ABCB5: variants seen among roughly 807,000 people sequenced by gnomAD.
ABCB5 encodes the protein ATP binding cassette subfamily B member 5.
Under a neutral mutation model 144.2 loss-of-function variants are expected in ABCB5, and 155 were observed. That is an observed-to-expected ratio of 1.08 (90% confidence interval 0.94 to 1.23). ABCB5 has a LOEUF of 1.23. Ranked by LOEUF, ABCB5 falls within the 50% of genes most tolerant of loss-of-function variation. The pLI is 0.00. For synonymous variants in ABCB5, 610 were observed against 528.6 expected (o/e 1.15, Z -2.11); for missense variants, 1,830 against 1,520.8 (o/e 1.20, Z -3.38).
intron 2 of ABCB5, among the ~76,000 whole-genome samples, chr7:20,623,889 G>A (rs1783853256): frequency 1.3e-5 from 2 of 152,168 alleles, no homozygotes; most frequent in South Asian, 2.1e-4. Flanking sequence ...TAAAACTGGA[G>A]AAGATCCCTC....
chr7:20,635,908 T>A (rs1784146328), intron 5 of ABCB5, among the ~76,000 whole-genome samples: 1 of 152,210 alleles, frequency 6.6e-6, no homozygotes, highest in African/African-American at 2.4e-5. Flanking sequence ...GTTGCTTGAT[T>A]GCTCTGACTA....
chr7:20,674,441 G>T (rs565259871), intron 14 of ABCB5, among the ~76,000 whole-genome samples: 1 of 151,816 alleles, frequency 6.6e-6, no homozygotes, highest in South Asian at 2.1e-4. Flanking sequence ...GTTGCTCACT[G>T]TCTCCTTTCT....
intron 14 of ABCB5, among the ~76,000 whole-genome samples, chr7:20,672,569 TA>T (rs1785482564): frequency 6.6e-6 from 1 of 152,132 alleles, no homozygotes; most frequent in South Asian, 2.1e-4. Context: ...TAAAGTAAAA[TA>T]AAATTTTAAA....
At chr7:20,744,386 A>C (rs1782655010) in intron 25 of ABCB5, among the ~76,000 whole-genome samples, 1 of 152,054 alleles carries the variant, frequency 6.6e-6, no homozygotes, top group Admixed American at 6.6e-5. Flanking sequence ...TGCCCTGACC[A>C]GAATGTCCCC....
intron 5 of ABCB5, among the ~76,000 whole-genome samples, chr7:20,635,623 A>G (rs1335850561): frequency 2.6e-5 from 4 of 151,946 alleles, no homozygotes; most frequent in Non-Finnish European, 5.9e-5. Context: ...AGATCTTTTA[A>G]TTCCTTAGTT....
chr7:20,731,371 T>A (rs1411418565), intron 23 of ABCB5, among the ~76,000 whole-genome samples: 137 of 124,874 alleles, frequency 1.1e-3, no homozygotes, highest in South Asian at 0.01. Flanking sequence ...AAAAAAAAAA[T>A]ATATATATAT....
At position 20,623,301 on chromosome 7, in the gene ABCB5, A is replaced by G; in HGVS notation, c.16A>G (p.Arg6Gly). The G allele has an allele frequency of 6.5e-7, 1 of 1,548,030 alleles. No individual in the cohort carries two copies. Among genetic ancestry groups the G allele is most frequent in the Non-Finnish European group, 8.7e-7 (1 of 1,143,228 alleles). The part of the protein sequence containing the change: MENSE[R>G]AEEMQENYQR... Reference sequence around the variant, plus strand: ...TGTAAATAAGATGGAAAATTCAGAAAGAGCTGAAGAAATGCAAGAAAATTA... The same window carrying G: ...TGTAAATAAGATGGAAAATTCAGAAGGAGCTGAAGAAATGCAAGAAAATTA... The change falls in exon 2 of 28, where the codon AGA becomes GGA. Residue 6 changes from arginine (R) to glycine (G), a missense_variant. Transcript: ENST00000404938.
intron 3 of ABCB5, among the ~76,000 whole-genome samples, chr7:20,627,587 C>CAGATG (rs1171057611): frequency 6.6e-6 from 1 of 151,926 alleles, no homozygotes; most frequent in Non-Finnish European, 1.5e-5. Flanking sequence ...GCTATGGGGA[C>CAGATG]CTACTACAGA....
chr7:20,756,017 T>A lies in ABCB5; in HGVS notation c.*393T>A, dbSNP rs1783077763. ...AGGCAGTGTAAGATAGAGTGGGGCC[T>A]GTAGCATTGCAGGGAGAGTGTCTTT... On this transcript the variant is annotated 3_prime_UTR_variant, in exon 28 of 28. Transcript: ENST00000404938. The A allele has an allele frequency of 5.3e-6, 1 of 189,486 alleles. No homozygotes were observed. The highest frequency in any genetic ancestry group is 1.1e-5 in the Non-Finnish European group (1 of 91,038). 11.7% of individuals were successfully genotyped at this position (189,486 alleles called of 1,614,324 possible). A position where few individuals can be genotyped will look rare whatever the true frequency, so the allele number is the denominator to read the frequency against.
At chr7:20,661,276 T>C (rs551881367) in intron 14 of ABCB5, among the ~76,000 whole-genome samples, 1 of 152,342 alleles carries the variant, frequency 6.6e-6, no homozygotes, top group African/African-American at 2.4e-5. Flanking sequence ...AATGCCTGCT[T>C]CTTAAACATA....
intron 23 of ABCB5, among the ~76,000 whole-genome samples, chr7:20,738,616 A>C (rs191847839): frequency 6.6e-6 from 1 of 152,214 alleles, no homozygotes; most frequent in Non-Finnish European, 1.5e-5. Context: ...AGATCTCACT[A>C]CTGGAGATTC....
intron 5 of ABCB5, among the ~76,000 whole-genome samples, chr7:20,637,379 A>G (rs182515632): frequency 3.6e-4 from 55 of 152,134 alleles, no homozygotes; most frequent in Admixed American, 1.6e-3. Context: ...CTGCTGGTCA[A>G]TATGATGCCT....
chr7:20,659,358 C>T, intron 14 of ABCB5: 1 of 1,266,162 alleles, frequency 7.9e-7, no homozygotes, highest in South Asian at 3.3e-5. Flanking sequence ...CTTAATGGCA[C>T]ATTTTACTTT....
At chr7:20,668,403 G>C (rs1307579896) in intron 14 of ABCB5, among the ~76,000 whole-genome samples, 1,824 of 146,352 alleles carry the variant, frequency 0.012, no homozygotes, top group African/African-American at 0.046. Context: ...GAGCGCCTCT[G>C]CTGGGCCGCA....
intron 20 of ABCB5, among the ~76,000 whole-genome samples, chr7:20,720,684 G>A (rs1481552003): frequency 4.6e-5 from 7 of 152,078 alleles, no homozygotes; most frequent in Admixed American, 2.6e-4. Context: ...GGTGGCTCAC[G>A]CCTGTAATCC....
rs5882753 is a variant in ABCB5 at position 20,700,151 on chromosome 7, AT to A, written c.2337+26del. On this transcript the variant is annotated intron_variant, in intron 19 of 27. Transcript: ENST00000404938. ...GTTATATCAGGTCAGTGATAAGTTG[AT>A]TTTTTTTTTATTTTATTTAAAATTT... 1,250,380 of 1,480,916 alleles carry A rather than the reference AT, an allele frequency of 0.84. 527,854 individuals are homozygous for A. The highest frequency in any genetic ancestry group is 0.91 in the Admixed American group (44,885 of 49,230). 91.7% of individuals were successfully genotyped at this position (1,480,916 alleles called of 1,614,324 possible).
At chr7:20,648,821 A>T (rs1326960370) in intron 11 of ABCB5, among the ~76,000 whole-genome samples, 1 of 152,152 alleles carries the variant, frequency 6.6e-6, no homozygotes, top group Admixed American at 6.5e-5. Flanking sequence ...TCTGATTAAA[A>T]CTTTGATCGA....
In ABCB5 at chr7:20,659,216, C is replaced by T. The variant is rs1583403260; in HGVS notation, c.1707+540C>T. On this transcript the variant is annotated intron_variant, in intron 14 of 27. Transcript: ENST00000404938. Reference sequence around the variant, plus strand: ...ACTGCACATACCTCAAGGCCATATGCAGTTGTGGCCCTGCACCAAATTACA... The same window carrying T: ...ACTGCACATACCTCAAGGCCATATGTAGTTGTGGCCCTGCACCAAATTACA... 1.1e-5 allele frequency: 17 copies of T among 1,589,864 alleles called. No homozygotes were observed. In the East Asian group the frequency reaches 3.8e-4, roughly 36 times the overall value.
At position 20,739,073 on chromosome 7, in the gene ABCB5, G is replaced by A. The variant is rs773480139; in HGVS notation, c.2958G>A (p.Ala986=). ...ATTCCAAAGCCAAATCGGGGGCTGC[G>A]CATCTGTTTGCCTTGTTGGAAAAGA... The part of the protein sequence containing the change: ...PEYSKAKSGA[A]HLFALLEKKP... Residue 986 remains alanine (A), a synonymous_variant, in exon 24 of 28, where the codon GCG becomes GCA. Transcript: ENST00000404938. 6.8e-6 allele frequency: 11 copies of A among 1,611,058 alleles called. No individual in the cohort carries two copies. Among genetic ancestry groups the A allele is most frequent in the East Asian group, 4.5e-5 (2 of 44,672 alleles).
Sources: allele counts gnomAD v4.1 joint callset (sites outside exome capture counted in the v4.1 genomes callset), GRCh38; gene constraint gnomAD v4.1.1; transcripts MANE v1.5; gene names NCBI Gene and HGNC (gene_info 2026-07-23, HGNC 2026-07-21).